Variants in ITGB1 observed in about 807,000 individuals in gnomAD.
ITGB1 encodes the protein integrin beta-1.
In ITGB1, 24 loss-of-function variants were observed where a neutral mutation model predicts 86.5. The ratio of observed to expected loss-of-function variants is 0.28; its 90% confidence interval spans 0.20 to 0.39. ITGB1 has a LOEUF of 0.39. Among genes scored for constraint, ITGB1 ranks in the 10% least tolerant of loss-of-function variants. The pLI is 1.00. For missense variants in ITGB1, 556 were observed against 946.9 expected, an observed-to-expected ratio of 0.59 and a Z score of 5.42; for synonymous variants, 323 against 316.8, an observed-to-expected ratio of 1.02 and a Z score of -0.21.
rs538428384 is a variant in ITGB1, at chr10:32,957,018, C to A, written c.-1+1127G>T. Among the ~76,000 whole-genome samples the A allele has an allele frequency of 7.2e-5, 11 of 152,270 alleles. No homozygotes were observed. In the East Asian group the frequency reaches 2.1e-3, roughly 29 times the overall value. The stretch of plus-strand genomic sequence containing the variant: ...TGACCACAGGCAACTTACTTTTGCT[C>A]CCTGTGCCTCAGTTTCTTCACTCGG... On this transcript the variant is annotated intron_variant, in intron 1 of 15. Transcript: ENST00000302278.
chr10:32,920,188 CTAAATTTGCTTAT>C, intron 10 of ITGB1, 44 bp downstream of exon 10: 1 of 1,579,214 alleles, frequency 6.3e-7, no homozygotes, highest in Non-Finnish European at 8.6e-7. Flanking sequence ...AAACTATAAA[CTAAATTTGCTTAT>C]AAATAACCAA....
chr10:32,956,673 A>ACTC (rs2095052936), intron 1 of ITGB1, among the ~76,000 whole-genome samples: 1 of 152,182 alleles, frequency 6.6e-6, no homozygotes, highest in African/African-American at 2.4e-5. Context: ...GCTCTTCTGC[A>ACTC]CTCCAGCCTG....
At chr10:32,920,685 G>A (rs1183432349) in intron 9 of ITGB1, among the ~76,000 whole-genome samples, 2 of 151,928 alleles carry the variant, frequency 1.3e-5, no homozygotes, top group African/African-American at 4.8e-5. Flanking sequence ...TTAAAAATGT[G>A]GAATAGGCCG....
At chr10:32,914,232 G>T (rs187544081) in intron 11 of ITGB1, among the ~76,000 whole-genome samples, 133 of 152,258 alleles carry the variant, frequency 8.7e-4, no homozygotes, top group African/African-American at 3.2e-3. Flanking sequence ...AAAGACCATC[G>T]ATGCTAGGAA....
At chr10:32,917,852 C>T (rs1244805166) in intron 11 of ITGB1, among the ~76,000 whole-genome samples, 3 of 152,062 alleles carry the variant, frequency 2.0e-5, no homozygotes, top group African/African-American at 7.3e-5. Flanking sequence ...GGGTATATAC[C>T]CAAAGAATTA....
chr10:32,930,154 TG>T, intron 3 of ITGB1, 110 bp from the exon 4 acceptor site: 2 of 639,918 alleles, frequency 3.1e-6, no homozygotes. Flanking sequence ...TCACATCTAA[TG>T]TACCCCAATT....
intron 1 of ITGB1, chr10:32,957,841 G>A: frequency 6.6e-6 from 1 of 152,270 alleles, no homozygotes; most frequent in East Asian, 1.9e-4. Context: ...CAGCCCCGAC[G>A]TGACAGCGCC....
intron 11 of ITGB1, among the ~76,000 whole-genome samples, chr10:32,917,016 A>G (rs2137187897): frequency 6.6e-6 from 1 of 152,334 alleles, no homozygotes; most frequent in Admixed American, 6.5e-5. Flanking sequence ...GGAACAGAAC[A>G]GAGCCCTCAG....
At chr10:32,939,234 G>A (rs2095011941) in intron 1 of ITGB1, among the ~76,000 whole-genome samples, 2 of 152,180 alleles carry the variant, frequency 1.3e-5, no homozygotes, top group Non-Finnish European at 2.9e-5. Flanking sequence ...CAGAGTATGA[G>A]GGGATAACAG....
chr10:32,930,304 A>T (rs947840266), intron 3 of ITGB1, among the ~76,000 whole-genome samples: 2 of 152,184 alleles, frequency 1.3e-5, no homozygotes, highest in African/African-American at 4.8e-5. Context: ...TGTAATTCAG[A>T]GTATCTAATC....
rs753990803 is a variant in ITGB1 at position 32,911,627 on chromosome 10, G to C, written c.1752C>G (p.Asn584Lys). The change falls in exon 13 of 16, where the codon AAC (asparagine) becomes AAG (lysine). Residue 584 changes from asparagine (N) to lysine (K), a missense_variant. Asn to Lys is a moderately conservative substitution (Grantham distance 94, BLOSUM62 0). This residue lies in a region of ITGB1 where 330 missense variants were observed against 531.5 expected (regional missense o/e 0.62). Coordinates refer to ENST00000302278, the MANE Select transcript of ITGB1 (RefSeq NM_002211.4). ...CKCRVCECNP[N>K]YTGSACDCSL... is the part of the protein sequence containing the mutation. Reference sequence around the variant, plus strand: ...AACAGTCACATGCACTGCCAGTGTAGTTGGGGTTGCACTCACACACACGAC... The same window carrying C: ...AACAGTCACATGCACTGCCAGTGTACTTGGGGTTGCACTCACACACACGAC... 1.6e-5 allele frequency: 26 copies of C among 1,614,042 alleles called. No individual in the cohort carries two copies. Among genetic ancestry groups the C allele is most frequent in the Non-Finnish European group, 2.2e-5 (26 of 1,180,034 alleles).
At chr10:32,939,183 G>A (rs1359731596) in intron 1 of ITGB1, among the ~76,000 whole-genome samples, 1 of 152,144 alleles carries the variant, frequency 6.6e-6, no homozygotes, top group African/African-American at 2.4e-5. Context: ...GCTGAGAAAA[G>A]GACCTGAAGG....
intron 3 of ITGB1, among the ~76,000 whole-genome samples, chr10:32,931,785 A>G (rs554710574): frequency 3.3e-5 from 5 of 152,178 alleles, no homozygotes; most frequent in African/African-American, 9.6e-5. Context: ...TGATCTTCTG[A>G]TATTAGTTAT....
rs1286792197 is a variant in ITGB1 at position 32,911,688 on chromosome 10, A to G, written c.1709-18T>C. The G allele has an allele frequency of 6.2e-7, 1 of 1,609,584 alleles. No homozygotes were observed. ...ACCATTTCCTGCAATTAAGCATATC[A>G]TTTCTCAAAATGGTAAAAATATACA... On this transcript the variant is annotated intron_variant, in intron 12 of 15. Transcript: ENST00000302278.
intron 10 of ITGB1, 60 bp downstream of exon 10, chr10:32,920,185 A>G: frequency 1.3e-6 from 2 of 1,578,210 alleles, no homozygotes; most frequent in Non-Finnish European, 1.7e-6. Flanking sequence ...CTCAAACTAT[A>G]AACTAAATTT....
chr10:32,954,374 G>C (rs938803060), intron 1 of ITGB1, among the ~76,000 whole-genome samples: 1 of 151,962 alleles, frequency 6.6e-6, no homozygotes, highest in Non-Finnish European at 1.5e-5. Context: ...AGTCTTATCA[G>C]TTCTCCCTCC....
chr10:32,910,113 C>T (rs2094908230), intron 14 of ITGB1, 110 bp downstream of exon 14: 3 of 740,794 alleles, frequency 4.0e-6, no homozygotes, highest in South Asian at 1.9e-5. Context: ...AATTTCCCAA[C>T]TTGACCTAAA....
At chr10:32,920,488 A>G in intron 9 of ITGB1, 103 bp from the exon 10 acceptor site, 1 of 991,744 alleles carries the variant, frequency 1.0e-6, no homozygotes, top group Non-Finnish European at 1.5e-6. Context: ...ATTTCAATAA[A>G]GTATCTACAA....
rs1429851361 is a variant in ITGB1 at position 32,920,303 on chromosome 10, C to G, written c.1211G>C (p.Gly404Ala). The G allele has an allele frequency of 1.2e-6, 2 of 1,613,520 alleles. No individual in the cohort carries two copies. Among genetic ancestry groups the G allele is most frequent in the Non-Finnish European group, 1.7e-6 (2 of 1,179,610 alleles). ...TISYKSYCKNGVNGTGENGRK... is the reference protein window; with the variant it reads ...TISYKSYCKNAVNGTGENGRK... ...TCCATTTTCCCCTGTTCCATTCACC[C>G]CGTTCTTGCAGTAAGATTTGTAACT... is the stretch of plus-strand genomic sequence containing the variant. Residue 404 changes from glycine to alanine, a missense_variant, in exon 10 of 16, where the codon GGG (glycine) becomes GCG (alanine). Coordinates refer to ENST00000302278, the MANE Select transcript of ITGB1 (RefSeq NM_002211.4).
Sources: allele counts gnomAD v4.1 joint callset (sites outside exome capture counted in the v4.1 genomes callset), GRCh38; gene constraint gnomAD v4.1.1; regional missense constraint gnomAD v4.1.1; transcripts MANE v1.5; gene names NCBI Gene and HGNC (gene_info 2026-07-23, HGNC 2026-07-21).